Variants in UGGT2 observed in about 807,000 individuals in gnomAD.
UGGT2 encodes UDP-glucose:glycoprotein glucosyltransferase 2.
In UGGT2, 180 loss-of-function variants were observed where a neutral mutation model predicts 192.1. That is an observed-to-expected ratio of 0.94 (90% CI 0.83 to 1.06). UGGT2 has a LOEUF of 1.06. UGGT2 is among the 50% of genes least tolerant of loss of function. UGGT2 has a pLI of 0.00. For missense variants in UGGT2, 1,849 were observed against 1,795.7 expected (o/e 1.03, Z -0.54); for synonymous variants, 580 against 591.0 (o/e 0.98, Z 0.27).
chr13:95,990,065 T>C lies in UGGT2; in HGVS notation c.839A>G (p.Tyr280Cys). 6.3e-7 allele frequency: 1 copy of C among 1,590,554 alleles called. No individual in the cohort carries two copies. Among genetic ancestry groups the C allele is most frequent in the Non-Finnish European group, 8.6e-7 (1 of 1,166,930 alleles). The change falls in exon 8 of 39, where the codon TAT becomes TGT. Residue 280 changes from tyrosine (Y) to cysteine (C), a missense_variant. Transcript: ENST00000376747. ...GFLFGKLKEI[Y>C]SDLRDNLTAF... ...TGTCAGATTATCTCTAAGATCTGAA[T>C]ATATTTCTCTGCATCAAAATATTAA...
intron 27 of UGGT2, among the ~76,000 whole-genome samples, chr13:95,882,440 G>T (rs1410152589): frequency 1.3e-5 from 2 of 152,166 alleles, no homozygotes; most frequent in Admixed American, 6.5e-5. Flanking sequence ...TTGCCAGAGT[G>T]TATGTACTTT....
At chr13:96,025,139 T>C (rs2052626345) in intron 2 of UGGT2, among the ~76,000 whole-genome samples, 1 of 152,254 alleles carries the variant, frequency 6.6e-6, no homozygotes, top group African/African-American at 2.4e-5. Context: ...TCAGGTCATC[T>C]GTCAGCATCC....
At chr13:95,979,548 C>CAAAAAAAAAAAAAAAAAA (rs57487353) in intron 10 of UGGT2, among the ~76,000 whole-genome samples, 7 of 98,798 alleles carry the variant, frequency 7.1e-5, no homozygotes, top group East Asian at 3.4e-4. Flanking sequence ...GTCTCTTACG[C>CAAAAAAAAAAAAAAAAAA]AAAAAAAAAA....
At chr13:96,010,204 C>T (rs1203649955) in intron 5 of UGGT2, among the ~76,000 whole-genome samples, 1 of 152,162 alleles carries the variant, frequency 6.6e-6, no homozygotes, top group Non-Finnish European at 1.5e-5. Flanking sequence ...CACTGCAACA[C>T]TTTTCACAAA....
chr13:96,027,755 T>C (rs1352903426), intron 2 of UGGT2, among the ~76,000 whole-genome samples: 1 of 152,200 alleles, frequency 6.6e-6, no homozygotes, highest in Non-Finnish European at 1.5e-5. Context: ...ATAACAGAGA[T>C]ATGAAAAGCT....
chr13:95,849,135 C>A (rs1340392250), intron 36 of UGGT2, among the ~76,000 whole-genome samples: 1 of 152,008 alleles, frequency 6.6e-6, no homozygotes, highest in Non-Finnish European at 1.5e-5. Flanking sequence ...AAATCTACAT[C>A]AGGCAATGTG....
chr13:95,898,481 C>A (rs72636556), intron 22 of UGGT2, among the ~76,000 whole-genome samples: 18,919 of 152,168 alleles, frequency 0.12, 1,297 homozygotes, highest in Middle Eastern at 0.21. Flanking sequence ...CTAGAACAAT[C>A]CTCTTCCAGA....
At chr13:95,919,705 G>C (rs576213273) in intron 20 of UGGT2, among the ~76,000 whole-genome samples, 25 of 152,208 alleles carry the variant, frequency 1.6e-4, no homozygotes, top group African/African-American at 5.3e-4. Context: ...AAATCGGAGA[G>C]GACACAAACA....
chr13:95,896,764 A>ATTT, intron 22 of UGGT2, among the ~76,000 whole-genome samples: 1 of 152,120 alleles, frequency 6.6e-6, no homozygotes. Flanking sequence ...AAGTAACTTA[A>ATTT]ATAGCATAAA....
At chr13:95,996,294 G>A (rs532839872) in intron 6 of UGGT2, among the ~76,000 whole-genome samples, 159 bp from the exon 7 acceptor site, 5 of 152,214 alleles carry the variant, frequency 3.3e-5, no homozygotes, top group South Asian at 2.1e-4. Context: ...TTGAGCTCAC[G>A]AGTTCAAGAC....
chr13:95,824,695 A>C (rs1885842368), intron 38 of UGGT2, among the ~76,000 whole-genome samples: 2 of 152,058 alleles, frequency 1.3e-5, no homozygotes, highest in Non-Finnish European at 2.9e-5. Flanking sequence ...TGAATTTTAA[A>C]AAAATTATGT....
chr13:95,834,974 G>T (rs148464854), intron 37 of UGGT2, among the ~76,000 whole-genome samples: 2 of 152,074 alleles, frequency 1.3e-5, no homozygotes, highest in South Asian at 2.1e-4. Flanking sequence ...GTATAAAAAT[G>T]TAAGAGGAAT....
chr13:96,020,408 T>C (rs2052479865), intron 4 of UGGT2, among the ~76,000 whole-genome samples: 1 of 152,220 alleles, frequency 6.6e-6, no homozygotes, highest in South Asian at 2.1e-4. Flanking sequence ...GGATTGATTC[T>C]TTGTTGTTTC....
intron 36 of UGGT2, among the ~76,000 whole-genome samples, chr13:95,851,005 T>C (rs1313872147): frequency 6.6e-6 from 1 of 152,214 alleles, no homozygotes; most frequent in Non-Finnish European, 1.5e-5. Flanking sequence ...TGAAGGACCA[T>C]CTCAGCTTCA....
intron 10 of UGGT2, among the ~76,000 whole-genome samples, chr13:95,981,872 G>A (rs993858760): frequency 6.6e-6 from 1 of 152,156 alleles, no homozygotes; most frequent in Admixed American, 6.5e-5. Context: ...CATCTCATGA[G>A]CTAGTGGGTA....
At chr13:95,808,962 G>A (rs575721440) in intron 38 of UGGT2, among the ~76,000 whole-genome samples, 3 of 152,218 alleles carry the variant, frequency 2.0e-5, no homozygotes, top group South Asian at 4.2e-4. Context: ...GTACAGGACC[G>A]TGACTCCATA....
rs192354870 is a variant in UGGT2, at chr13:96,007,642, T to C, written c.660+5665A>G. On this transcript the variant is annotated intron_variant, in intron 5 of 38. Coordinates refer to ENST00000376747, the MANE Select transcript of UGGT2 (RefSeq NM_020121.4). The stretch of plus-strand genomic sequence containing the variant: ...ATCAATATACAAAATTCAGTACTAT[T>C]TATATACACAAATAGCAAACAACAT... 3.9e-5 allele frequency among the ~76,000 whole-genome samples: 6 copies of C among 152,260 alleles called. No individual in the cohort carries two copies. In the East Asian group the frequency reaches 7.7e-4, roughly 20 times the overall value.
intron 20 of UGGT2, among the ~76,000 whole-genome samples, chr13:95,918,202 A>G (rs999863000): frequency 7.2e-5 from 11 of 152,190 alleles, no homozygotes; most frequent in African/African-American, 2.4e-4. Context: ...CCACAACACA[A>G]ATTAGAACTG....
chr13:95,916,758 C>T (rs1203029418), intron 20 of UGGT2, among the ~76,000 whole-genome samples: 1 of 151,916 alleles, frequency 6.6e-6, no homozygotes, highest in Non-Finnish European at 1.5e-5. Context: ...ACAATGCAAC[C>T]ACAAGTATCA....
Sources: gnomAD v4.1 joint callset for allele counts (sites outside exome capture counted in the v4.1 genomes callset) on GRCh38, gnomAD v4.1.1 for gene constraint, MANE v1.5 for transcripts, NCBI Gene and HGNC (gene_info 2026-07-23, HGNC 2026-07-21) for gene names.